SERINC5: variants seen among roughly 807,000 people sequenced by gnomAD.
The protein encoded by SERINC5 is chromosome 5 open reading frame 12.
Under a neutral mutation model 63.1 loss-of-function variants are expected in SERINC5, and 41 were observed. The observed-to-expected ratio is 0.65, with a 90% CI of 0.51 to 0.84. SERINC5 has a LOEUF of 0.84. Ranked by LOEUF, SERINC5 falls within the 40% of genes least tolerant of loss-of-function variation. SERINC5 has a pLI of 0.00. For missense variants in SERINC5, 523 were observed against 573.0 expected, an observed-to-expected ratio of 0.91 and a Z score of 0.89; for synonymous variants, 222 against 215.2, an observed-to-expected ratio of 1.03 and a Z score of -0.28.
At chr5:80,230,081 G>C (rs1238639832) in intron 1 of SERINC5, among the ~76,000 whole-genome samples, 1 of 152,112 alleles carries the variant, frequency 6.6e-6, no homozygotes, top group Non-Finnish European at 1.5e-5. Context: ...AGGGCAGAAG[G>C]AACCCAAGGA....
intron 1 of SERINC5, among the ~76,000 whole-genome samples, chr5:80,218,730 T>C (rs1251646115): frequency 2.0e-5 from 3 of 150,316 alleles, no homozygotes; most frequent in Non-Finnish European, 4.4e-5. Flanking sequence ...GCTATGGTAA[T>C]GCCCACCCCC....
At chr5:80,227,549 C>A (rs534555784) in intron 1 of SERINC5, among the ~76,000 whole-genome samples, 1 of 151,114 alleles carries the variant, frequency 6.6e-6, no homozygotes, top group African/African-American at 2.4e-5. Context: ...TCACTTGAAG[C>A]CAGGAGTTTG....
intron 1 of SERINC5, among the ~76,000 whole-genome samples, chr5:80,224,601 A>G (rs1407169702): frequency 6.6e-6 from 1 of 152,214 alleles, no homozygotes; most frequent in Non-Finnish European, 1.5e-5. Context: ...TAACAGAAGC[A>G]ACAGCTCTTG....
At chr5:80,232,143 G>A (rs796212247) in intron 1 of SERINC5, among the ~76,000 whole-genome samples, 5 of 148,628 alleles carry the variant, frequency 3.4e-5, no homozygotes, top group African/African-American at 5.0e-5. Flanking sequence ...GGTGGCTCAC[G>A]CCTGTAATCC....
At chr5:80,222,784 G>A (rs112091127) in intron 1 of SERINC5, among the ~76,000 whole-genome samples, 16,420 of 151,978 alleles carry the variant, frequency 0.11, 997 homozygotes, top group Middle Eastern at 0.14. Context: ...ATGCTGTCCA[G>A]GCTGGTCTCG....
At chr5:80,221,838 A>G (rs940347290) in intron 1 of SERINC5, among the ~76,000 whole-genome samples, 3 of 152,152 alleles carry the variant, frequency 2.0e-5, no homozygotes, top group African/African-American at 7.2e-5. Flanking sequence ...TAAATACTAT[A>G]AAATGAGTTT....
At chr5:80,183,770 A>T (rs1362016142) in intron 2 of SERINC5, among the ~76,000 whole-genome samples, 1 of 151,816 alleles carries the variant, frequency 6.6e-6, no homozygotes, top group Non-Finnish European at 1.5e-5. Flanking sequence ...AATCCTATAA[A>T]ACGGCCCCAC....
chr5:80,238,721 A>G (rs1032475269), intron 1 of SERINC5, among the ~76,000 whole-genome samples: 2 of 146,054 alleles, frequency 1.4e-5, no homozygotes, highest in African/African-American at 5.0e-5. Context: ...GACAGAGGGT[A>G]GAGGTTGCAG....
In SERINC5 at chr5:80,159,039, A is replaced by C. The variant is rs1746719768; in HGVS notation, c.860-77T>G. The C allele has an allele frequency of 3.5e-5, 52 of 1,494,140 alleles. No individual in the cohort carries two copies. In the South Asian group the frequency reaches 5.6e-4, roughly 16 times the overall value. The allele number at this position is 1,494,140 out of a possible 1,614,324, so 92.6% of individuals were successfully genotyped here. A position where few individuals can be genotyped will look rare whatever the true frequency, so the allele number is the denominator to read the frequency against. ...ACGCACAGAAGCACTCATTTTGGGAAAATTCAGGTAGCTGTGGTGTACCTC... is the reference window on the plus strand; with the variant it reads ...ACGCACAGAAGCACTCATTTTGGGACAATTCAGGTAGCTGTGGTGTACCTC... On this transcript the variant is annotated intron_variant, in intron 7 of 11. Coordinates refer to ENST00000507668, the MANE Select transcript of SERINC5 (RefSeq NM_001174072.3).
intron 2 of SERINC5, among the ~76,000 whole-genome samples, chr5:80,178,767 T>G (rs1042209680): frequency 4.1e-5 from 6 of 145,776 alleles, no homozygotes; most frequent in African/African-American, 1.3e-4. Flanking sequence ...TCTTTTACTA[T>G]CCACCCAAAA....
At chr5:80,210,832 C>T (rs184259140) in intron 1 of SERINC5, among the ~76,000 whole-genome samples, 1 of 152,242 alleles carries the variant, frequency 6.6e-6, no homozygotes, top group Admixed American at 6.5e-5. Context: ...ACTTGTAAGT[C>T]GAAGAAGCCC....
At chr5:80,236,692 A>G (rs895353443) in intron 1 of SERINC5, among the ~76,000 whole-genome samples, 3 of 151,836 alleles carry the variant, frequency 2.0e-5, no homozygotes, top group Non-Finnish European at 4.4e-5. Flanking sequence ...CGCCCAGCTA[A>G]TTTTTGTATT....
intron 2 of SERINC5, among the ~76,000 whole-genome samples, chr5:80,181,606 T>C (rs961814599): frequency 6.6e-6 from 1 of 152,204 alleles, no homozygotes; most frequent in Non-Finnish European, 1.5e-5. Context: ...CATGAGGAAA[T>C]AGCCAACATT....
chr5:80,233,769 T>G (rs1751559150), intron 1 of SERINC5, among the ~76,000 whole-genome samples: 1 of 151,422 alleles, frequency 6.6e-6, no homozygotes, highest in South Asian at 2.1e-4. Context: ...CTTTGTAAAG[T>G]TTACAGGAAG....
At chr5:80,177,123 C>T (rs1748085090) in intron 4 of SERINC5, among the ~76,000 whole-genome samples, 192 bp downstream of exon 4, 2 of 151,916 alleles carry the variant, frequency 1.3e-5, no homozygotes, top group South Asian at 2.1e-4. Flanking sequence ...AAGTGGGATG[C>T]GGTGGTGAGA....
At position 80,150,850 on chromosome 5, in the gene SERINC5, T is replaced by C. The variant is rs994676176; in HGVS notation, c.1053+32A>G. 6.7e-6 allele frequency: 10 copies of C among 1,498,562 alleles called. No homozygotes were observed. The African/African-American group carries it at 6.9e-5, about 10-fold the overall frequency. 92.8% of individuals were successfully genotyped at this position (1,498,562 alleles called of 1,614,324 possible). A position where few individuals can be genotyped will look rare whatever the true frequency, so the allele number is the denominator to read the frequency against. On this transcript the variant is annotated intron_variant, in intron 9 of 11. Coordinates refer to ENST00000507668, the MANE Select transcript of SERINC5 (RefSeq NM_001174072.3). ...CTCCTGAGAAATGGATCTTCTGAGATGAAGCAGGACAGGAAAAGGAAATGA... is the reference window on the plus strand; with the variant it reads ...CTCCTGAGAAATGGATCTTCTGAGACGAAGCAGGACAGGAAAAGGAAATGA...
At chr5:80,155,586 A>T (rs906536266) in intron 8 of SERINC5, among the ~76,000 whole-genome samples, 17 of 150,068 alleles carry the variant, frequency 1.1e-4, no homozygotes, top group African/African-American at 3.7e-4. Context: ...AAAAAAAAGG[A>T]AGAAAGAAGG....
Position 80,141,932 on chromosome 5 carries a change from T to C in SERINC5, c.*1731A>G, listed in dbSNP as rs1745533398. 1.0e-6 allele frequency: 1 copy of C among 985,234 alleles called. No homozygotes were observed. Among genetic ancestry groups the C allele is most frequent in the Non-Finnish European group, 1.2e-6 (1 of 829,920 alleles). 61.0% of individuals were successfully genotyped at this position (985,234 alleles called of 1,614,324 possible). On this transcript the variant is annotated 3_prime_UTR_variant, in exon 12 of 12. Coordinates refer to ENST00000507668, the MANE Select transcript of SERINC5 (RefSeq NM_001174072.3). ...AGGAATTCATCCCCTGTAATTTGTTTCCCCATGGGTTTTCTTGGGAGAAGG... is the reference window on the plus strand; with the variant it reads ...AGGAATTCATCCCCTGTAATTTGTTCCCCCATGGGTTTTCTTGGGAGAAGG...
At chr5:80,191,479 C>CAAAAAAAAA in intron 2 of SERINC5, among the ~76,000 whole-genome samples, 1 of 38,506 alleles carries the variant, frequency 2.6e-5, no homozygotes, top group Non-Finnish European at 6.0e-5. Context: ...TCCATCTCTA[C>CAAAAAAAAA]AAAAAAAAAA....
Sources: allele counts gnomAD v4.1 joint callset (sites outside exome capture counted in the v4.1 genomes callset), GRCh38; gene constraint gnomAD v4.1.1; transcripts MANE v1.5; gene names NCBI Gene and HGNC (gene_info 2026-07-23, HGNC 2026-07-21).